The following ITGB7 variants were observed in gnomAD, a reference collection of about 807,000 sequenced individuals.
ITGB7 encodes the protein integrin beta-7.
ITGB7 carries 55 observed loss-of-function variants against 83.4 expected under a neutral mutation model. The ratio of observed to expected loss-of-function variants is 0.66; its 90% confidence interval spans 0.53 to 0.83. The LOEUF is 0.83. Ranked by LOEUF, ITGB7 falls within the 40% of genes least tolerant of loss-of-function variation. The probability of loss-of-function intolerance (pLI) is 0.00; values close to 1 mark genes in which losing one functional copy is unlikely to be tolerated. For synonymous variants in ITGB7, 454 were observed against 423.6 expected, an observed-to-expected ratio of 1.07 and a Z score of -0.88; for missense variants, 921 against 1,046.7, an observed-to-expected ratio of 0.88 and a Z score of 1.66.
At chr12:53,195,936 C>T in intron 7 of ITGB7, 105 bp downstream of exon 7, 1 of 1,343,012 alleles carries the variant, frequency 7.4e-7, no homozygotes, top group Non-Finnish European at 1.0e-6. Context: ...GGCAGGGTGT[C>T]TACAGGGTGG....
intron 2 of ITGB7, among the ~76,000 whole-genome samples, chr12:53,200,647 C>T (rs1003257733): frequency 6.6e-6 from 1 of 152,056 alleles, no homozygotes; most frequent in Non-Finnish European, 1.5e-5. Flanking sequence ...AGGTAGGGGC[C>T]TCCGGACGTG....
At chr12:53,206,755 C>A (rs1038884498) in intron 1 of ITGB7, 3 of 152,238 alleles carry the variant, frequency 2.0e-5, no homozygotes, top group Non-Finnish European at 4.4e-5. Context: ...CCTCAGTGTC[C>A]CAGGACAGTG....
At chr12:53,199,965 C>T (rs1352624222) in intron 3 of ITGB7, among the ~76,000 whole-genome samples, 1 of 152,170 alleles carries the variant, frequency 6.6e-6, no homozygotes, top group Admixed American at 6.5e-5. Flanking sequence ...ATACTTTCTC[C>T]CAATTCATGG....
At chr12:53,192,120 G>A in intron 14 of ITGB7, 101 bp from the exon 15 acceptor site, 1 of 1,425,582 alleles carries the variant, frequency 7.0e-7, no homozygotes, top group Admixed American at 2.2e-5. Flanking sequence ...GTCTGTCACT[G>A]AAAGCAAAGG....
Position 53,193,356 on chromosome 12 carries a change from G to A in ITGB7, c.1510C>T (p.Pro504Ser), listed in dbSNP as rs752961994. Residue 504 changes from proline to serine, a missense_variant, in exon 12 of 16, where the codon CCT (proline) becomes TCT (serine). Physicochemically the swap from Pro to Ser is moderately conservative, Grantham distance 74. Coordinates refer to ENST00000267082, the MANE Select transcript of ITGB7 (RefSeq NM_000889.3). ...HLQCGVCSCA[P>S]GRLGRLCECS... is the part of the protein sequence containing the mutation. ...TCACAGAGCCGACCTAGGCGGCCAG[G>A]GGCACAGCTGGAAGGGGAAGGCAAA... 1.9e-6 allele frequency: 3 copies of A among 1,578,970 alleles called. No individual in the cohort carries two copies. Among genetic ancestry groups the A allele is most frequent in the Non-Finnish European group, 2.6e-6 (3 of 1,158,740 alleles).
rs563029908 is a variant in ITGB7, at chr12:53,195,088, A to G, written c.1161+286T>C. 3.9e-5 allele frequency: 17 copies of G among 439,938 alleles called. No individual in the cohort carries two copies. In the South Asian group the frequency reaches 4.6e-4, roughly 12 times the overall value. The allele number at this position is 439,938 out of a possible 1,614,324, so 27.3% of individuals were successfully genotyped here. ...AGGGTTAAATGAAGTAGCAAACAGT[A>G]TGTACACCTAGGATGGTGGGCGCAT... On this transcript the variant is annotated intron_variant, in intron 9 of 15. Transcript: ENST00000267082.
intron 12 of ITGB7, 31 bp from the exon 13 acceptor site, chr12:53,192,941 C>T (rs1210295984): frequency 3.8e-6 from 6 of 1,598,440 alleles, no homozygotes; most frequent in African/African-American, 2.7e-5. Context: ...GGGTGACAAC[C>T]ATACTCCACA....
chr12:53,197,365 G>A, intron 5 of ITGB7, 128 bp downstream of exon 5: 1 of 1,019,162 alleles, frequency 9.8e-7, no homozygotes, highest in Non-Finnish European at 1.6e-6. Flanking sequence ...CGAACCTGTG[G>A]CCTGGCTAGG....
chr12:53,195,763 CCCCACAACATGCAAGGTG>C (rs745813873), intron 7 of ITGB7, 42 bp from the exon 8 acceptor site: 1 of 1,512,742 alleles, frequency 6.6e-7, no homozygotes, highest in Non-Finnish European at 9.2e-7. Flanking sequence ...CACAGGTTTC[CCCCACAACATGCAAGGTG>C]CCCTCAGCCC....
At chr12:53,193,426 TC>T in intron 11 of ITGB7, 63 bp from the exon 12 acceptor site, 1 of 1,247,690 alleles carries the variant, frequency 8.0e-7, no homozygotes, top group Non-Finnish European at 1.1e-6. Flanking sequence ...GACTTGTCTC[TC>T]CCAGGAACCT....
intron 9 of ITGB7, 200 bp from the exon 10 acceptor site, chr12:53,194,544 C>T (rs1942090160): frequency 1.8e-6 from 1 of 542,194 alleles, no homozygotes; most frequent in Admixed American, 3.1e-5. Flanking sequence ...ATCCAGAGGC[C>T]TCTAATACAG....
chr12:53,196,452 TA>T, intron 6 of ITGB7, 126 bp downstream of exon 6: 4 of 1,330,776 alleles, frequency 3.0e-6, no homozygotes, highest in Non-Finnish European at 4.1e-6. Context: ...AGGTAATTGC[TA>T]AATATACAAA....
At chr12:53,201,305 C>T (rs1309321921) in intron 1 of ITGB7, 111 bp from the exon 2 acceptor site, 1 of 152,134 alleles carries the variant, frequency 6.6e-6, no homozygotes, top group Non-Finnish European at 1.5e-5. Flanking sequence ...GAAAAGAAAG[C>T]TGGAGCAGAT....
At position 53,197,226 on chromosome 12, in the gene ITGB7, GTC is replaced by G. The variant is rs1942195350; in HGVS notation, c.574+265_574+266del. ...CCAGGTTGGTAGGCCCAGGGCAGCT[GTC>G]CAGGCCCAGAGAGTGCCTGAGCACA... is the stretch of plus-strand genomic sequence containing the variant. On this transcript the variant is annotated intron_variant, in intron 5 of 15. Coordinates refer to ENST00000267082, the MANE Select transcript of ITGB7 (RefSeq NM_000889.3). 5.2e-6 allele frequency: 3 copies of G among 580,136 alleles called. No homozygotes were observed. The South Asian group carries it at 5.9e-5, about 11-fold the overall frequency. The allele number at this position is 580,136 out of a possible 1,614,324, so 35.9% of individuals were successfully genotyped here.
intron 1 of ITGB7, among the ~76,000 whole-genome samples, chr12:53,206,324 C>T (rs892955932): frequency 6.6e-6 from 1 of 152,168 alleles, no homozygotes; most frequent in Non-Finnish European, 1.5e-5. Flanking sequence ...ATCTACTACT[C>T]CATCCCACTC....
At chr12:53,204,966 A>G (rs1942400697) in intron 1 of ITGB7, among the ~76,000 whole-genome samples, 1 of 151,116 alleles carries the variant, frequency 6.6e-6, no homozygotes, top group African/African-American at 2.4e-5. Flanking sequence ...CTGGGATTAC[A>G]GGTGTGAGCC....
chr12:53,195,905 G>A, intron 7 of ITGB7, 136 bp downstream of exon 7: 1 of 1,098,472 alleles, frequency 9.1e-7, no homozygotes, highest in Non-Finnish European at 1.3e-6. Context: ...GCAGCTGAAA[G>A]GAGGAACTGC....
Position 53,197,772 on chromosome 12 carries a change from C to A in ITGB7, c.381G>T (p.Arg127=). 1 of 1,565,822 alleles carries A rather than the reference C, an allele frequency of 6.4e-7. No individual in the cohort carries two copies. Among genetic ancestry groups the A allele is most frequent in the South Asian group, 1.2e-5 (1 of 86,322 alleles). ...GEGATQLAPQ[R]VRVTLRPGEP... Reference sequence around the variant, plus strand: ...CACCAGGCCGCAGCGTGACCCGGACCCGCTGCGGCGCCAGCTGGGTGGCAC... The same window carrying A: ...CACCAGGCCGCAGCGTGACCCGGACACGCTGCGGCGCCAGCTGGGTGGCAC... Residue 127 remains arginine (R), a synonymous_variant, in exon 4 of 16, where the codon CGG becomes CGT. Transcript: ENST00000267082.
intron 1 of ITGB7, among the ~76,000 whole-genome samples, chr12:53,206,350 A>G (rs1011390724): frequency 1.3e-5 from 2 of 152,114 alleles, no homozygotes; most frequent in African/African-American, 4.8e-5. Flanking sequence ...ACAAATGGAA[A>G]CCTAAATTCC....
Sources: gnomAD v4.1 joint callset for allele counts (sites outside exome capture counted in the v4.1 genomes callset) on GRCh38, gnomAD v4.1.1 for gene constraint, MANE v1.5 for transcripts, NCBI Gene and HGNC (gene_info 2026-07-23, HGNC 2026-07-21) for gene names.